CHSY3: variants seen among roughly 807,000 people sequenced by gnomAD.
CHSY3 encodes the protein N-acetylgalactosaminyl-proteoglycan 3-beta-glucuronosyltransferase 3.
CHSY3 carries 35 observed loss-of-function variants against 67.2 expected under a neutral mutation model. The observed-to-expected ratio is 0.52, with a 90% CI of 0.40 to 0.69. The LOEUF (loss-of-function observed/expected upper bound fraction) is 0.69, where lower values mean the gene tolerates loss of function less well. Among genes scored for constraint, CHSY3 ranks in the 30% least tolerant of loss-of-function variants. The probability of loss-of-function intolerance (pLI) is 0.00; values close to 1 mark genes in which losing one functional copy is unlikely to be tolerated. For missense variants in CHSY3, 1,069 were observed against 1,138.5 expected (o/e 0.94, Z 0.88); for synonymous variants, 474 against 434.7 (o/e 1.09, Z -1.12).
At chr5:129,961,661 A>G (rs942384460) in intron 2 of CHSY3, among the ~76,000 whole-genome samples, 7 of 151,810 alleles carry the variant, frequency 4.6e-5, no homozygotes, top group African/African-American at 1.7e-4. Flanking sequence ...TAATTATTCA[A>G]CGATTCCCTC....
intron 2 of CHSY3, among the ~76,000 whole-genome samples, chr5:130,075,619 A>G (rs926641476): frequency 6.6e-6 from 1 of 152,182 alleles, no homozygotes; most frequent in Non-Finnish European, 1.5e-5. Flanking sequence ...ATTGCTTAGC[A>G]TCTAGTTAGA....
chr5:129,956,328 ATGCTTGTTG>A (rs1762173371), intron 2 of CHSY3, among the ~76,000 whole-genome samples: 1 of 151,718 alleles, frequency 6.6e-6, no homozygotes, highest in African/African-American at 2.4e-5. Context: ...TTTTTTTCAT[ATGCTTGTTG>A]GTCGTATGTA....
chr5:130,067,788 G>A (rs908280241), intron 2 of CHSY3, among the ~76,000 whole-genome samples: 2 of 152,130 alleles, frequency 1.3e-5, no homozygotes, highest in African/African-American at 4.8e-5. Context: ...TTACATGATT[G>A]TGATATCAAA....
chr5:130,021,334 A>G (rs1010919752), intron 2 of CHSY3, among the ~76,000 whole-genome samples: 1 of 152,158 alleles, frequency 6.6e-6, no homozygotes, highest in African/African-American at 2.4e-5. Flanking sequence ...AAATAGTAAT[A>G]ATACCTAACC....
chr5:129,993,408 A>G (rs1226645916), intron 2 of CHSY3, among the ~76,000 whole-genome samples: 1 of 152,122 alleles, frequency 6.6e-6, no homozygotes, highest in Non-Finnish European at 1.5e-5. Flanking sequence ...TTGGGTGCAT[A>G]TATATTTAGG....
intron 2 of CHSY3, among the ~76,000 whole-genome samples, chr5:130,088,112 T>C (rs1766724253): frequency 6.6e-6 from 1 of 152,066 alleles, no homozygotes; most frequent in Non-Finnish European, 1.5e-5. Context: ...AAACAAGCAA[T>C]GGGGAAAGGA....
At chr5:130,039,610 G>A (rs1413460938) in intron 2 of CHSY3, among the ~76,000 whole-genome samples, 2 of 149,112 alleles carry the variant, frequency 1.3e-5, no homozygotes, top group Non-Finnish European at 3.0e-5. Context: ...CACAATAACG[G>A]CTCAGATTCT....
intron 2 of CHSY3, among the ~76,000 whole-genome samples, chr5:129,976,764 A>G (rs1474114327): frequency 1.3e-5 from 2 of 152,010 alleles, no homozygotes; most frequent in Non-Finnish European, 2.9e-5. Context: ...TCCAAAAAAC[A>G]TTTGTTAAAA....
At chr5:130,125,622 A>G (rs953533607) in intron 2 of CHSY3, among the ~76,000 whole-genome samples, 5 of 152,248 alleles carry the variant, frequency 3.3e-5, no homozygotes, top group African/African-American at 1.2e-4. Flanking sequence ...CCTAATTAAC[A>G]TAAGAATAAC....
intron 2 of CHSY3, among the ~76,000 whole-genome samples, chr5:130,024,835 A>G (rs1445786973): frequency 6.6e-6 from 1 of 152,180 alleles, no homozygotes; most frequent in African/African-American, 2.4e-5. Context: ...TGGTAATAGG[A>G]CAATTCTAAA....
intron 2 of CHSY3, among the ~76,000 whole-genome samples, chr5:130,082,482 T>A (rs1222313570): frequency 1.3e-5 from 2 of 152,122 alleles, no homozygotes; most frequent in African/African-American, 4.8e-5. Context: ...TAAAACATTT[T>A]CTTTTAATGA....
chr5:129,940,696 G>A (rs147430065), intron 2 of CHSY3, among the ~76,000 whole-genome samples: 1,732 of 151,848 alleles, frequency 0.011, 39 homozygotes, highest in African/African-American at 0.038. Context: ...TGTGTATGCC[G>A]ATGTATGTAT....
chr5:130,093,879 AT>A (rs1206810840), intron 2 of CHSY3, among the ~76,000 whole-genome samples: 1 of 151,972 alleles, frequency 6.6e-6, no homozygotes, highest in Non-Finnish European at 1.5e-5. Flanking sequence ...ACAGATTTTA[AT>A]TTTTTTCTGC....
chr5:129,962,056 C>T (rs895437899), intron 2 of CHSY3, among the ~76,000 whole-genome samples: 6 of 151,898 alleles, frequency 4.0e-5, no homozygotes, highest in African/African-American at 1.4e-4. Context: ...CATACCAATC[C>T]CTGCTTCTGG....
chr5:129,943,492 A>T (rs1160272574), intron 2 of CHSY3, among the ~76,000 whole-genome samples: 1 of 152,164 alleles, frequency 6.6e-6, no homozygotes, highest in Non-Finnish European at 1.5e-5. Context: ...GTGTAGATAA[A>T]ACTATATTAT....
chr5:130,000,190 G>T (rs11960404), intron 2 of CHSY3, among the ~76,000 whole-genome samples: 3,577 of 152,264 alleles, frequency 0.023, 127 homozygotes, highest in African/African-American at 0.079. Context: ...TTTTATGAAA[G>T]ATAGGGACAT....
At chr5:129,953,766 A>T (rs1762092837) in intron 2 of CHSY3, among the ~76,000 whole-genome samples, 1 of 152,172 alleles carries the variant, frequency 6.6e-6, no homozygotes, top group Non-Finnish European at 1.5e-5. Flanking sequence ...TGTTGGCCGC[A>T]TAAGTGTCTT....
At chr5:129,999,125 T>C (rs11954733) in intron 2 of CHSY3, among the ~76,000 whole-genome samples, 3,175 of 34,774 alleles carry the variant, frequency 0.091, 105 homozygotes, top group African/African-American at 0.19. Context: ...CCCCCCTCCC[T>C]TTTTTTTTTT....
intron 2 of CHSY3, among the ~76,000 whole-genome samples, chr5:130,042,902 T>C (rs1765044065): frequency 6.6e-6 from 1 of 152,116 alleles, no homozygotes; most frequent in Admixed American, 6.6e-5. Context: ...TATTTTCGAG[T>C]TCTTCAGTAG....
Sources: allele counts gnomAD v4.1 joint callset (sites outside exome capture counted in the v4.1 genomes callset), GRCh38; gene constraint gnomAD v4.1.1; transcripts MANE v1.5; gene names NCBI Gene and HGNC (gene_info 2026-07-23, HGNC 2026-07-21).